TRHDE: variants seen among roughly 807,000 people sequenced by gnomAD.
The protein encoded by TRHDE is thyrotropin-releasing hormone-degrading ectoenzyme.
In TRHDE, 72 loss-of-function variants were observed where a neutral mutation model predicts 125.7. The observed-to-expected ratio is 0.57, with a 90% CI of 0.47 to 0.70. TRHDE has a LOEUF of 0.70. Among genes scored for constraint, TRHDE ranks in the 30% least tolerant of loss-of-function variants. The probability of loss-of-function intolerance (pLI) is 0.00; values close to 1 mark genes in which losing one functional copy is unlikely to be tolerated. For missense variants in TRHDE, 1,110 were observed against 1,327.1 expected (o/e 0.84, Z 2.54); for synonymous variants, 509 against 509.1 (o/e 1.00, Z 0.00).
intron 3 of TRHDE, among the ~76,000 whole-genome samples, chr12:72,411,899 A>G (rs1156911585): frequency 2.0e-5 from 3 of 152,198 alleles, no homozygotes; most frequent in South Asian, 4.1e-4. Context: ...TTTTTAATAA[A>G]TAATACTAGA....
At position 72,272,719 on chromosome 12, in the gene TRHDE, A is replaced by AAGAAGG. The variant is rs1555172160; in HGVS notation, c.78_79insAAGGAG (p.Lys26_Glu27insLysGlu). 22 of 1,000,778 alleles carry AAGAAGG rather than the reference A, an allele frequency of 2.2e-5. No individual in the cohort carries two copies. Among genetic ancestry groups the AAGAAGG allele is most frequent in the Admixed American group, 3.3e-5 (1 of 30,142 alleles). The allele number at this position is 1,000,778 out of a possible 1,614,324, so 62.0% of individuals were successfully genotyped here. On this transcript the variant is annotated inframe_insertion, in exon 1 of 19. Coordinates refer to ENST00000261180, the MANE Select transcript of TRHDE (RefSeq NM_013381.3). The surrounding 1 kb of genome is among the most constrained non-coding windows in gnomAD (Gnocchi z 6.7). ...GAAGAAAAAGAAGAGGAAGAAGAAG[A>AAGAAGG]AGGAGGAGGAGGAGGAGGAGGAGGG...
chr12:72,337,096 ACT>A (rs1869862940), intron 2 of TRHDE, among the ~76,000 whole-genome samples: 1 of 152,136 alleles, frequency 6.6e-6, no homozygotes. Flanking sequence ...CATGATTAGT[ACT>A]CTTTGGAGCA....
At chr12:72,270,211 C>G (rs1476092683), upstream of TRHDE, among the ~76,000 whole-genome samples, 1 of 152,174 alleles carries the variant, frequency 6.6e-6, no homozygotes, top group Non-Finnish European at 1.5e-5. Flanking sequence ...CATTTAAAAA[C>G]AGAGCAGAAA....
chr12:72,423,168 G>T lies in TRHDE; in HGVS notation c.1315+45047G>T, dbSNP rs910295724. On this transcript the variant is annotated intron_variant, in intron 3 of 18. Transcript: ENST00000261180. ...ACAATGTACATGATCCCTGACTTAT[G>T]ATGGTTCTATTTAAGATTTTTCAAC... Among the ~76,000 whole-genome samples the T allele has an allele frequency of 7.9e-5, 12 of 152,092 alleles. 1 individual carries two copies. The highest frequency in any genetic ancestry group is 7.2e-4 in the Admixed American group (11 of 15,270).
intron 3 of TRHDE, among the ~76,000 whole-genome samples, chr12:72,380,758 C>CTTTG (rs1565720486): frequency 6.2e-5 from 5 of 81,070 alleles, no homozygotes; most frequent in African/African-American, 3.6e-4. Flanking sequence ...TTCCTTCCTT[C>CTTTG]CTTCCTTGCT....
intron 1 of TRHDE, among the ~76,000 whole-genome samples, chr12:72,280,883 C>A (rs181705307): frequency 3.3e-5 from 5 of 152,256 alleles, no homozygotes; most frequent in African/African-American, 9.6e-5. Context: ...TATAATACTT[C>A]CGTAATATTT....
chr12:72,492,826 G>A (rs1877742807), intron 5 of TRHDE, among the ~76,000 whole-genome samples: 1 of 151,878 alleles, frequency 6.6e-6, no homozygotes, highest in Non-Finnish European at 1.5e-5. Context: ...TATCTTATTT[G>A]TTCTCTTTAT....
intron 9 of TRHDE, among the ~76,000 whole-genome samples, chr12:72,565,433 G>A (rs1431168499): frequency 1.3e-5 from 2 of 152,136 alleles, no homozygotes; most frequent in African/African-American, 4.8e-5. Context: ...TAACTGAATA[G>A]TCACATAAAG....
chr12:72,165,124 A>G (rs1876716158), intron 2 of TRHDE, among the ~76,000 whole-genome samples: 2 of 152,304 alleles, frequency 1.3e-5, no homozygotes, highest in Non-Finnish European at 1.5e-5. Flanking sequence ...CTCCCCACCA[A>G]TTCCCAGATC....
At chr12:72,628,173 G>A (rs74486322) in intron 15 of TRHDE, among the ~76,000 whole-genome samples, 4,294 of 151,852 alleles carry the variant, frequency 0.028, 194 homozygotes, top group African/African-American at 0.098. Context: ...ACAATCTAAT[G>A]GGGTAGACCA....
chr12:72,494,080 A>G (rs531421899), intron 5 of TRHDE, among the ~76,000 whole-genome samples: 1 of 152,142 alleles, frequency 6.6e-6, no homozygotes, highest in East Asian at 1.9e-4. Context: ...AGGTGCTTAA[A>G]AAATATTTGT....
intron 2 of TRHDE, among the ~76,000 whole-genome samples, chr12:72,307,974 T>G (rs1487006685): frequency 2.0e-5 from 3 of 152,222 alleles, no homozygotes; most frequent in Admixed American, 2.0e-4. Context: ...GATTTTTTTT[T>G]GTCATGCCTG....
intron 6 of TRHDE, among the ~76,000 whole-genome samples, chr12:72,512,736 T>G: frequency 6.7e-6 from 1 of 149,094 alleles, no homozygotes; most frequent in South Asian, 2.1e-4. Flanking sequence ...AAGGAATAAA[T>G]TAAGATGTAA....
chr12:72,340,709 G>C (rs980236976), intron 2 of TRHDE, among the ~76,000 whole-genome samples: 4 of 152,084 alleles, frequency 2.6e-5, no homozygotes, highest in African/African-American at 9.7e-5. Flanking sequence ...AAAGAGGAAA[G>C]GGAGAAAAAG....
chr12:72,472,672 C>G (rs1253070827), intron 4 of TRHDE, among the ~76,000 whole-genome samples: 2 of 152,124 alleles, frequency 1.3e-5, no homozygotes, highest in African/African-American at 4.8e-5. Flanking sequence ...CAGACATTTA[C>G]CCATGCTAAT....
intron 3 of TRHDE, among the ~76,000 whole-genome samples, chr12:72,452,205 A>C (rs1875614615): frequency 6.6e-6 from 1 of 151,536 alleles, no homozygotes; most frequent in African/African-American, 2.4e-5. Flanking sequence ...TTTTTTGTAG[A>C]TACTGTAAAC....
At chr12:72,422,829 CTT>C (rs969704729) in intron 3 of TRHDE, among the ~76,000 whole-genome samples, 1 of 152,126 alleles carries the variant, frequency 6.6e-6, no homozygotes, top group Non-Finnish European at 1.5e-5. Flanking sequence ...CATGAGGGCT[CTT>C]TCATTATAAG....
chr12:72,154,497 C>G (rs1028579404), intron 2 of TRHDE, among the ~76,000 whole-genome samples: 1 of 152,166 alleles, frequency 6.6e-6, no homozygotes. Context: ...CCTCGATGGT[C>G]TTTACAATTT....
chr12:72,299,133 A>T (rs767784564), intron 2 of TRHDE, among the ~76,000 whole-genome samples: 58 of 152,314 alleles, frequency 3.8e-4, no homozygotes, highest in Non-Finnish European at 7.1e-4. Context: ...TAACCAAGAC[A>T]TTCTGTTGAG....
Sources: allele counts gnomAD v4.1 joint callset (sites outside exome capture counted in the v4.1 genomes callset), GRCh38; gene constraint gnomAD v4.1.1; non-coding constraint Gnocchi (gnomAD v3.1); transcripts MANE v1.5; gene names NCBI Gene and HGNC (gene_info 2026-07-23, HGNC 2026-07-21).